The following CHSY3 variants were observed in gnomAD, a reference collection of about 807,000 sequenced individuals.
The protein encoded by CHSY3 is N-acetylgalactosaminyl-proteoglycan 3-beta-glucuronosyltransferase 3.
In CHSY3, 35 loss-of-function variants were observed where a neutral mutation model predicts 67.2. The observed-to-expected ratio is 0.52, with a 90% CI of 0.40 to 0.69. The LOEUF (loss-of-function observed/expected upper bound fraction) is 0.69. Ranked by LOEUF, CHSY3 falls within the 30% of genes least tolerant of loss-of-function variation. The pLI, the probability that CHSY3 is intolerant of heterozygous loss-of-function variation, is 0.00. For synonymous variants in CHSY3, 474 were observed against 434.7 expected (o/e 1.09, Z -1.12); for missense variants, 1,069 against 1,138.5 (o/e 0.94, Z 0.88).
At chr5:130,118,535 G>A (rs1321315719) in intron 2 of CHSY3, among the ~76,000 whole-genome samples, 1 of 151,788 alleles carries the variant, frequency 6.6e-6, no homozygotes, top group Non-Finnish European at 1.5e-5. Context: ...ATATGTGTGT[G>A]TATGTGTATG....
In CHSY3 at chr5:129,962,085, C is replaced by T. The variant is rs114988887; in HGVS notation, c.1086+53725C>T. Among the ~76,000 whole-genome samples the T allele has an allele frequency of 4.6e-3, 704 of 152,066 alleles. 2 individuals are homozygous for T. The highest frequency in any genetic ancestry group is 7.3e-3 in the Non-Finnish European group (499 of 67,948). ...CTTCTGGGTTTTGTTTCCTGTATCC[C>T]CAACCCTCTCAGAAAATTTTCATTA... On this transcript the variant is annotated intron_variant, in intron 2 of 2. Transcript: ENST00000305031.
intron 2 of CHSY3, among the ~76,000 whole-genome samples, chr5:130,094,226 C>A (rs1766973484): frequency 6.6e-6 from 1 of 151,956 alleles, no homozygotes; most frequent in African/African-American, 2.4e-5. Flanking sequence ...TGGTGCTGAA[C>A]TATAAACTTC....
chr5:130,093,631 C>T (rs1474734873), intron 2 of CHSY3, among the ~76,000 whole-genome samples: 1 of 152,092 alleles, frequency 6.6e-6, no homozygotes, highest in Non-Finnish European at 1.5e-5. Context: ...TTGAAAGAAA[C>T]TGATGAATGA....
chr5:129,910,214 G>C (rs1260961885), intron 2 of CHSY3, among the ~76,000 whole-genome samples: 1 of 151,984 alleles, frequency 6.6e-6, no homozygotes, highest in Non-Finnish European at 1.5e-5. Flanking sequence ...GCAAACAAAA[G>C]AGATTCCAAG....
chr5:129,984,764 T>A (rs966947563), intron 2 of CHSY3, among the ~76,000 whole-genome samples: 1 of 152,176 alleles, frequency 6.6e-6, no homozygotes, highest in Admixed American at 6.5e-5. Flanking sequence ...TGCATATGCC[T>A]AATGATTAGA....
rs373239517 is a variant in CHSY3, at chr5:129,924,799, G to A, written c.1086+16439G>A. Among the ~76,000 whole-genome samples, 20 of 152,106 alleles carry A rather than the reference G, an allele frequency of 1.3e-4. No individual in the cohort carries two copies. The East Asian group carries it at 3.7e-3, about 28-fold the overall frequency. ...GAGAAGTGCATGCACTTCTATGAGA[G>A]CAAGAGGAAAATGCACTGCATAGCA... On this transcript the variant is annotated intron_variant, in intron 2 of 2. Coordinates refer to ENST00000305031, the MANE Select transcript of CHSY3 (RefSeq NM_175856.5).
At chr5:130,140,455 A>G in intron 2 of CHSY3, 2 of 1,122,818 alleles carry the variant, frequency 1.8e-6, no homozygotes, top group South Asian at 1.7e-5. Flanking sequence ...TGCTGTGGTC[A>G]CAGTGCCAGC....
At chr5:129,994,829 T>A (rs1763484925) in intron 2 of CHSY3, among the ~76,000 whole-genome samples, 1 of 144,830 alleles carries the variant, frequency 6.9e-6, no homozygotes, top group Non-Finnish European at 1.5e-5. Flanking sequence ...TTCTCACTCA[T>A]AGGTGGGAAT....
intron 2 of CHSY3, among the ~76,000 whole-genome samples, chr5:130,073,903 C>T (rs748320034): frequency 6.6e-6 from 1 of 152,120 alleles, no homozygotes; most frequent in Admixed American, 6.6e-5. Context: ...TTTGAAGTGA[C>T]AACCACAAGT....
intron 2 of CHSY3, among the ~76,000 whole-genome samples, chr5:130,006,185 A>G (rs1763867508): frequency 6.6e-6 from 1 of 152,174 alleles, no homozygotes; most frequent in Non-Finnish European, 1.5e-5. Context: ...GTTTCAACAA[A>G]AACAAGGAGG....
chr5:129,947,869 T>G (rs909474522), intron 2 of CHSY3, among the ~76,000 whole-genome samples: 1 of 152,240 alleles, frequency 6.6e-6, no homozygotes, highest in African/African-American at 2.4e-5. Flanking sequence ...TTAGTGATGT[T>G]GAACACCTTT....
At chr5:130,028,275 G>A (rs1421218768) in intron 2 of CHSY3, among the ~76,000 whole-genome samples, 2 of 152,094 alleles carry the variant, frequency 1.3e-5, no homozygotes, top group Non-Finnish European at 2.9e-5. Flanking sequence ...ATACTATGAG[G>A]CTACAGTAAC....
chr5:129,921,445 G>A (rs1043597250), intron 2 of CHSY3, among the ~76,000 whole-genome samples: 1 of 152,126 alleles, frequency 6.6e-6, no homozygotes, highest in Non-Finnish European at 1.5e-5. Context: ...GATGACTCAA[G>A]ATTTTATCAC....
At chr5:130,149,428 G>C (rs903691580) in intron 2 of CHSY3, among the ~76,000 whole-genome samples, 1 of 152,144 alleles carries the variant, frequency 6.6e-6, no homozygotes, top group African/African-American at 2.4e-5. Context: ...GTGAAAGCAG[G>C]AGCAAGAGAG....
chr5:129,924,639 C>T (rs1310821106), intron 2 of CHSY3, among the ~76,000 whole-genome samples: 1 of 110,102 alleles, frequency 9.1e-6, no homozygotes, highest in Non-Finnish European at 2.2e-5. Flanking sequence ...AGTGAGACTC[C>T]CTCTAAAAAA....
chr5:130,025,645 TCTGTTGAAGGC>T lies in CHSY3; in HGVS notation c.1086+117289_1086+117299del, dbSNP rs547217114. Among the ~76,000 whole-genome samples the T allele has an allele frequency of 2.1e-3, 318 of 152,154 alleles. 1 individual carries two copies. Among genetic ancestry groups the T allele is most frequent in the African/African-American group, 6.5e-3 (268 of 41,522 alleles). ...GATCAAGGCACCAGTAGATTTGGTG[TCTGTTGAAGGC>T]CTGGTTTTTGAGTCATAGACAGCTG... is the stretch of plus-strand genomic sequence containing the variant. On this transcript the variant is annotated intron_variant, in intron 2 of 2. Transcript: ENST00000305031.
intron 2 of CHSY3, among the ~76,000 whole-genome samples, chr5:130,025,275 C>T (rs376402871): frequency 1.5e-4 from 23 of 152,044 alleles, no homozygotes; most frequent in Middle Eastern, 3.2e-3. Context: ...AGGTTGAGAC[C>T]TGGTGAAATT....
chr5:130,119,838 C>T (rs375256768), intron 2 of CHSY3, among the ~76,000 whole-genome samples: 12 of 151,932 alleles, frequency 7.9e-5, no homozygotes, highest in Non-Finnish European at 1.5e-4. Context: ...TTTTAGTCTA[C>T]GCAAAAAGGC....
intron 2 of CHSY3, among the ~76,000 whole-genome samples, chr5:130,092,993 G>C (rs115162572): frequency 6.6e-6 from 1 of 152,136 alleles, no homozygotes; most frequent in Non-Finnish European, 1.5e-5. Context: ...CATCTGGGAG[G>C]CCTCATGGTT....
Sources: allele counts gnomAD v4.1 joint callset (sites outside exome capture counted in the v4.1 genomes callset), GRCh38; gene constraint gnomAD v4.1.1; transcripts MANE v1.5; gene names NCBI Gene and HGNC (gene_info 2026-07-23, HGNC 2026-07-21).